STK32A: variants seen among roughly 807,000 people sequenced by gnomAD.
STK32A encodes serine/threonine kinase 32A.
A neutral mutation model predicts 53.2 loss-of-function variants in STK32A; 41 were observed. The observed-to-expected ratio is 0.77, with a 90% CI of 0.60 to 1.00. The LOEUF (loss-of-function observed/expected upper bound fraction) is 1.00. Among genes scored for constraint, STK32A ranks in the 50% least tolerant of loss-of-function variants. The probability of loss-of-function intolerance (pLI) is 0.00; values close to 1 mark genes in which losing one functional copy is unlikely to be tolerated. For synonymous variants in STK32A, 166 were observed against 162.8 expected (o/e 1.02, Z -0.15); for missense variants, 458 against 485.8 (o/e 0.94, Z 0.54).
At position 147,384,206 on chromosome 5, in the gene STK32A, T is replaced by G. The variant is rs1757564147; in HGVS notation, c.*223T>G. The G allele has an allele frequency of 8.6e-6, 12 of 1,398,086 alleles. No homozygotes were observed. Among genetic ancestry groups the G allele is most frequent in the Non-Finnish European group, 1.1e-5 (12 of 1,079,964 alleles). 86.6% of individuals were successfully genotyped at this position (1,398,086 alleles called of 1,614,324 possible). On this transcript the variant is annotated 3_prime_UTR_variant, in exon 13 of 13. Transcript: ENST00000397936. The stretch of plus-strand genomic sequence containing the variant: ...ACTGTGTGATCTAGAGCAAGTCACT[T>G]AGCCACTTTCTGTGCTTTACTTTAT...
At chr5:147,267,092 C>A (rs1385785660) in intron 2 of STK32A, among the ~76,000 whole-genome samples, 1 of 150,834 alleles carries the variant, frequency 6.6e-6, no homozygotes, top group Non-Finnish European at 1.5e-5. Context: ...CATCTGGTAA[C>A]AATAGCAATA....
intron 2 of STK32A, among the ~76,000 whole-genome samples, chr5:147,271,642 G>A (rs951448735): frequency 1.3e-5 from 2 of 152,132 alleles, no homozygotes; most frequent in South Asian, 2.1e-4. Flanking sequence ...CCCTGAGGGT[G>A]GGCCTCTAAA....
At chr5:147,342,422 T>C (rs985650261) in intron 5 of STK32A, 1 of 152,614 alleles carries the variant, frequency 6.6e-6, no homozygotes, top group African/African-American at 2.4e-5. Context: ...AAATGGCATC[T>C]GAGCTGTGGG....
At chr5:147,253,957 C>T (rs1754112601) in intron 2 of STK32A, among the ~76,000 whole-genome samples, 1 of 152,110 alleles carries the variant, frequency 6.6e-6, no homozygotes, top group Admixed American at 6.6e-5. Context: ...TCTTGGTCTC[C>T]CTCCTCCAAG....
chr5:147,336,433 T>A (rs963314265), intron 5 of STK32A, among the ~76,000 whole-genome samples: 1 of 150,224 alleles, frequency 6.7e-6, no homozygotes, highest in African/African-American at 2.4e-5. Context: ...TCCATCAGCA[T>A]CCCTTCTGAT....
rs553461880 is a variant in STK32A at position 147,305,793 on chromosome 5, T to C, written c.261-18105T>C. Among the ~76,000 whole-genome samples, 143 of 152,046 alleles carry C rather than the reference T, an allele frequency of 9.4e-4. 1 individual carries two copies. Among genetic ancestry groups the C allele is most frequent in the African/African-American group, 3.2e-3 (133 of 41,504 alleles). On this transcript the variant is annotated intron_variant, in intron 4 of 12. Coordinates refer to ENST00000397936, the MANE Select transcript of STK32A (RefSeq NM_001112724.2). The stretch of plus-strand genomic sequence containing the variant: ...TTTTTACCATTGATAGGCATTTGGA[T>C]CGTTTGCAATTTGAGACTTTCGCAG...
In STK32A at chr5:147,384,563, T is replaced by G. The variant is rs1757576899; in HGVS notation, c.*580T>G. On this transcript the variant is annotated 3_prime_UTR_variant, in exon 13 of 13. Coordinates refer to ENST00000397936, the MANE Select transcript of STK32A (RefSeq NM_001112724.2). Reference sequence around the variant, plus strand: ...TCCAGTGATATGCGTGAATCAGCATTAGATCCGCTTATCTCAGCTGGCAGG... The same window carrying G: ...TCCAGTGATATGCGTGAATCAGCATGAGATCCGCTTATCTCAGCTGGCAGG... 5 of 711,240 alleles carry G rather than the reference T, an allele frequency of 7.0e-6. No individual in the cohort carries two copies. Among genetic ancestry groups the G allele is most frequent in the Non-Finnish European group, 1.1e-5 (5 of 443,912 alleles). 44.1% of individuals were successfully genotyped at this position (711,240 alleles called of 1,614,324 possible). A position where few individuals can be genotyped will look rare whatever the true frequency, so the allele number is the denominator to read the frequency against.
intron 2 of STK32A, among the ~76,000 whole-genome samples, chr5:147,260,554 G>C (rs1230722047): frequency 6.9e-6 from 1 of 145,852 alleles, no homozygotes; most frequent in Admixed American, 6.6e-5. Flanking sequence ...GCCTGTCCTC[G>C]AAGGCTCAAC....
At chr5:147,253,009 C>A (rs1037114501) in intron 2 of STK32A, among the ~76,000 whole-genome samples, 1 of 152,144 alleles carries the variant, frequency 6.6e-6, no homozygotes, top group African/African-American at 2.4e-5. Context: ...TTTGTATCCT[C>A]ATTTTCACCA....
intron 4 of STK32A, among the ~76,000 whole-genome samples, chr5:147,295,447 A>G (rs990559963): frequency 1.3e-5 from 2 of 152,234 alleles, no homozygotes; most frequent in Non-Finnish European, 2.9e-5. Context: ...AGAACCCGAA[A>G]GCTAAAACAG....
chr5:147,298,407 G>A (rs1752970710), intron 4 of STK32A, among the ~76,000 whole-genome samples: 1 of 152,178 alleles, frequency 6.6e-6, no homozygotes, highest in Non-Finnish European at 1.5e-5. Context: ...TTCTAATTGT[G>A]TGTGCAAACA....
At chr5:147,350,135 A>T (rs966366663) in intron 6 of STK32A, among the ~76,000 whole-genome samples, 13 of 150,556 alleles carry the variant, frequency 8.6e-5, no homozygotes, top group South Asian at 4.2e-4. Context: ...AATTAAATTT[A>T]AAAAAAACCT....
chr5:147,255,496 C>T (rs563106553), intron 2 of STK32A, among the ~76,000 whole-genome samples: 25 of 152,314 alleles, frequency 1.6e-4, no homozygotes, highest in African/African-American at 5.1e-4. Context: ...ATTTACCAAA[C>T]TACTTTTCTA....
chr5:147,245,783 A>G (rs17106248), intron 2 of STK32A, among the ~76,000 whole-genome samples: 24,184 of 152,168 alleles, frequency 0.16, 2,083 homozygotes, highest in Admixed American at 0.23. Flanking sequence ...CAATTATTGC[A>G]TTATTCTTTG....
intron 4 of STK32A, among the ~76,000 whole-genome samples, chr5:147,282,414 T>A (rs973595688): frequency 6.6e-6 from 1 of 152,140 alleles, no homozygotes; most frequent in Non-Finnish European, 1.5e-5. Flanking sequence ...ACAAAGAGCA[T>A]GATGAATGCA....
intron 4 of STK32A, among the ~76,000 whole-genome samples, chr5:147,294,920 T>A (rs113866563): frequency 2.6e-5 from 4 of 152,262 alleles, no homozygotes; most frequent in African/African-American, 9.6e-5. Flanking sequence ...CCTGACCGCA[T>A]GATCTGCCCG....
intron 4 of STK32A, among the ~76,000 whole-genome samples, chr5:147,286,321 A>G (rs1162666833): frequency 6.6e-6 from 1 of 152,136 alleles, no homozygotes; most frequent in Non-Finnish European, 1.5e-5. Flanking sequence ...AATGTGGTGT[A>G]GTGTATACTG....
intron 4 of STK32A, among the ~76,000 whole-genome samples, chr5:147,298,027 G>A (rs1366295859): frequency 3.3e-5 from 5 of 151,552 alleles, no homozygotes; most frequent in African/African-American, 1.2e-4. Context: ...AATCATCAGT[G>A]TCATTCATTA....
the STK32A span, among the ~76,000 whole-genome samples, chr5:147,400,016 G>T: frequency 6.6e-6 from 1 of 152,210 alleles, no homozygotes. Flanking sequence ...ACACTGTGTA[G>T]ATTAATGAGG....
Sources: allele counts gnomAD v4.1 joint callset (sites outside exome capture counted in the v4.1 genomes callset), GRCh38; gene constraint gnomAD v4.1.1; transcripts MANE v1.5; gene names NCBI Gene and HGNC (gene_info 2026-07-23, HGNC 2026-07-21).